Variants in FBXO15 observed in about 807,000 individuals in gnomAD.
FBXO15 encodes the protein F-box protein 15.
Under a neutral mutation model 49.5 loss-of-function variants are expected in FBXO15, and 30 were observed. That is an observed-to-expected ratio of 0.61 (90% CI 0.45 to 0.82). The LOEUF is 0.82. Among genes scored for constraint, FBXO15 ranks in the 40% least tolerant of loss-of-function variants. The pLI, the probability that FBXO15 is intolerant of heterozygous loss-of-function variation, is 0.00. For missense variants in FBXO15, 591 were observed against 631.5 expected, an observed-to-expected ratio of 0.94 and a Z score of 0.69; for synonymous variants, 250 against 232.7, an observed-to-expected ratio of 1.07 and a Z score of -0.68.
chr18:74,127,704 G>A (rs1405449118), intron 5 of FBXO15, among the ~76,000 whole-genome samples: 3 of 152,190 alleles, frequency 2.0e-5, no homozygotes, highest in African/African-American at 7.2e-5. Flanking sequence ...TGGAGTCCAT[G>A]GAAGTTTCAC....
chr18:74,123,065 T>C, intron 8 of FBXO15: 1 of 244,120 alleles, frequency 4.1e-6, no homozygotes, highest in Non-Finnish European at 7.8e-6. Context: ...AGGGAAGAAG[T>C]CTGGGGAAAG....
At position 74,091,226 on chromosome 18, in the gene FBXO15, T is replaced by C. The variant is rs199746436; in HGVS notation, c.1139-9175A>G. ...TTGGAATAGTAACCCCTGCTTTTTTTCTCTTTTCTGTTTGCTTGGTAGATT... is the reference window on the plus strand; with the variant it reads ...TTGGAATAGTAACCCCTGCTTTTTTCCTCTTTTCTGTTTGCTTGGTAGATT... On this transcript the variant is annotated intron_variant, in intron 8 of 9. Transcript: ENST00000419743. 5.3e-5 allele frequency among the ~76,000 whole-genome samples: 8 copies of C among 152,330 alleles called. No homozygotes were observed. In the East Asian group the frequency reaches 1.5e-3, roughly 29 times the overall value.
chr18:74,139,554 A>T (rs533209388), intron 2 of FBXO15, among the ~76,000 whole-genome samples: 2 of 152,360 alleles, frequency 1.3e-5, no homozygotes, highest in South Asian at 2.1e-4. Context: ...TTAAAAGCCC[A>T]GAACTTGAAA....
chr18:74,116,705 AT>A (rs1022410113), intron 8 of FBXO15, among the ~76,000 whole-genome samples: 1 of 151,774 alleles, frequency 6.6e-6, no homozygotes, highest in Non-Finnish European at 1.5e-5. Context: ...CTCCCCACTC[AT>A]GCTTGTGCCT....
chr18:74,103,737 A>C (rs962683402), intron 8 of FBXO15, among the ~76,000 whole-genome samples: 3 of 152,182 alleles, frequency 2.0e-5, no homozygotes, highest in Admixed American at 6.5e-5. Context: ...TGCTGAAAGA[A>C]AAAGAAAATT....
chr18:74,120,149 G>A (rs910539922), intron 8 of FBXO15, among the ~76,000 whole-genome samples: 1 of 152,116 alleles, frequency 6.6e-6, no homozygotes, highest in Non-Finnish European at 1.5e-5. Context: ...TTAGTCAAAG[G>A]GATATCATAG....
intron 8 of FBXO15, among the ~76,000 whole-genome samples, chr18:74,089,561 T>C (rs746854677): frequency 6.6e-6 from 1 of 152,224 alleles, no homozygotes; most frequent in Non-Finnish European, 1.5e-5. Context: ...GGTTTTGAAA[T>C]AGATGGCTGT....
intron 3 of FBXO15, among the ~76,000 whole-genome samples, chr18:74,132,683 A>G (rs774842619): frequency 6.6e-6 from 1 of 152,216 alleles, no homozygotes; most frequent in African/African-American, 2.4e-5. Flanking sequence ...CCATCCTGTT[A>G]GAAGGCCTAG....
rs1222202198 is a variant in FBXO15, at chr18:74,123,396, A to G, written c.1110T>C (p.Gly370=). The change falls in exon 8 of 10, where the codon GGT becomes GGC. Residue 370 remains glycine, a synonymous_variant. Coordinates refer to ENST00000419743, the MANE Select transcript of FBXO15 (RefSeq NM_001142958.2). Reference sequence around the variant, plus strand: ...TCTTGGTGAAGAGATTGCGAAATGTACCACATAGGTAGAAAACCCCACCGC... The same window carrying G: ...TCTTGGTGAAGAGATTGCGAAATGTGCCACATAGGTAGAAAACCCCACCGC... The part of the protein sequence containing the change: ...LHSGGVFYLC[G]TFRNLFTKRG... 2 of 1,613,350 alleles carry G rather than the reference A, an allele frequency of 1.2e-6. No homozygotes were observed. Among genetic ancestry groups the G allele is most frequent in the East Asian group, 2.2e-5 (1 of 44,816 alleles).
At chr18:74,111,261 C>CAAAA in intron 8 of FBXO15, among the ~76,000 whole-genome samples, 1 of 84,360 alleles carries the variant, frequency 1.2e-5, no homozygotes, top group Non-Finnish European at 2.7e-5. Context: ...GTCTCTGTCT[C>CAAAA]AAAAAAAAAA....
intron 8 of FBXO15, 69 bp from the exon 9 acceptor site, chr18:74,082,120 C>T (rs903377799): frequency 1.8e-5 from 28 of 1,555,220 alleles, no homozygotes; most frequent in Non-Finnish European, 2.4e-5. Context: ...CACGTTCAGT[C>T]GGCGACTTTA....
At chr18:74,134,769 T>C (rs910724376) in intron 3 of FBXO15, among the ~76,000 whole-genome samples, 1 of 152,172 alleles carries the variant, frequency 6.6e-6, no homozygotes, top group African/African-American at 2.4e-5. Flanking sequence ...GGTTCATATG[T>C]AGTCTTCCCT....
chr18:74,090,069 C>A (rs969262665), intron 8 of FBXO15, among the ~76,000 whole-genome samples: 1 of 152,054 alleles, frequency 6.6e-6, no homozygotes, highest in African/African-American at 2.4e-5. Flanking sequence ...GGTTGGCAGG[C>A]TTTTTATTAC....
At chr18:74,087,227 G>T (rs1395083422) in intron 8 of FBXO15, among the ~76,000 whole-genome samples, 4 of 152,168 alleles carry the variant, frequency 2.6e-5, no homozygotes, top group Non-Finnish European at 4.4e-5. Flanking sequence ...GCTGAATGTG[G>T]CTGTGGCATT....
intron 2 of FBXO15, among the ~76,000 whole-genome samples, chr18:74,139,009 G>T (rs1978897344): frequency 2.0e-5 from 3 of 152,020 alleles, no homozygotes; most frequent in African/African-American, 7.3e-5. Flanking sequence ...CCACCTGATG[G>T]GCTCCCCGAC....
At chr18:74,140,612 G>C (rs558079108) in intron 1 of FBXO15, 1 of 301,004 alleles carries the variant, frequency 3.3e-6, no homozygotes, top group Admixed American at 5.3e-5. Context: ...GGAGAAGGGA[G>C]GAAGAGACAG....
intron 8 of FBXO15, among the ~76,000 whole-genome samples, chr18:74,094,557 TA>T (rs1913197100): frequency 6.6e-6 from 1 of 152,206 alleles, no homozygotes; most frequent in Non-Finnish European, 1.5e-5. Flanking sequence ...GAGAACAGAC[TA>T]ATACAGGAAT....
At chr18:74,115,089 C>T (rs1378026957) in intron 8 of FBXO15, among the ~76,000 whole-genome samples, 1 of 152,110 alleles carries the variant, frequency 6.6e-6, no homozygotes, top group Non-Finnish European at 1.5e-5. Context: ...CAAAATAGAA[C>T]ATCCTCAGAT....
At chr18:74,117,337 A>G (rs1292503358) in intron 8 of FBXO15, among the ~76,000 whole-genome samples, 1 of 152,154 alleles carries the variant, frequency 6.6e-6, no homozygotes, top group Non-Finnish European at 1.5e-5. Context: ...CTTATGCGTT[A>G]TAACAACCAT....
Sources: gnomAD v4.1 joint callset for allele counts (sites outside exome capture counted in the v4.1 genomes callset) on GRCh38, gnomAD v4.1.1 for gene constraint, MANE v1.5 for transcripts, NCBI Gene and HGNC (gene_info 2026-07-23, HGNC 2026-07-21) for gene names.